YARS1: variants seen among roughly 807,000 people sequenced by gnomAD.
YARS1 encodes the protein tyrosyl-tRNA synthetase 1.
YARS1 carries 36 observed loss-of-function variants against 62.2 expected under a neutral mutation model. That is an observed-to-expected ratio of 0.58 (90% CI 0.44 to 0.76). The LOEUF (loss-of-function observed/expected upper bound fraction) is 0.76. YARS1 is among the 30% of genes least tolerant of loss of function. The probability of loss-of-function intolerance (pLI) is 0.00; values close to 1 mark genes in which losing one functional copy is unlikely to be tolerated. For synonymous variants in YARS1, 234 were observed against 244.9 expected (o/e 0.96, Z 0.42); for missense variants, 524 against 639.8 (o/e 0.82, Z 1.95).
At chr1:32,782,900 A>G (rs1653106107) in intron 8 of YARS1, 1 of 283,414 alleles carries the variant, frequency 3.5e-6, no homozygotes, top group Non-Finnish European at 6.9e-6. Flanking sequence ...CCTGAGGGAG[A>G]CAGCTGAGTA....
chr1:32,786,970 T>A lies in YARS1; in HGVS notation c.790A>T (p.Ile264Phe). Residue 264 changes from isoleucine to phenylalanine, a missense_variant, in exon 7 of 13, where the codon ATC (isoleucine) becomes TTC (phenylalanine). Ile to Phe is a conservative substitution (Grantham distance 21). Coordinates refer to ENST00000373477, the MANE Select transcript of YARS1 (RefSeq NM_003680.4). ...TTAAGGGGAAAAAGGACATGCTTGA[T>A]GAAGGACAGAACCCCATTGTTCTCC... is the stretch of plus-strand genomic sequence containing the variant. ...NVENNGVLSF[I>F]KHVLFPLKSE... The A allele has an allele frequency of 1.2e-6, 2 of 1,614,146 alleles. No individual in the cohort carries two copies. Among genetic ancestry groups the A allele is most frequent in the Non-Finnish European group, 1.7e-6 (2 of 1,180,012 alleles).
chr1:32,816,903 G>A (rs192889406), intron 1 of YARS1: 1 of 575,920 alleles, frequency 1.7e-6, no homozygotes, highest in Admixed American at 3.0e-5. Context: ...TAAGCACCAC[G>A]TCTGGCACTT....
At chr1:32,798,327 G>C (rs1262655246) in intron 4 of YARS1, 1 of 206,384 alleles carries the variant, frequency 4.8e-6, no homozygotes, top group African/African-American at 2.3e-5. Context: ...GAGTGTTTGC[G>C]GTGAACATTA....
chr1:32,812,327 A>C (rs963143061), intron 1 of YARS1, among the ~76,000 whole-genome samples: 1 of 152,238 alleles, frequency 6.6e-6, no homozygotes, highest in African/African-American at 2.4e-5. Flanking sequence ...TCTGGAGTTT[A>C]GACACAACTG....
chr1:32,786,833 G>C (rs1374237333), intron 7 of YARS1, 107 bp downstream of exon 7: 1 of 1,446,866 alleles, frequency 6.9e-7, no homozygotes, highest in East Asian at 2.3e-5. Context: ...CAGAGAATCA[G>C]GGCAGCCAGT....
At chr1:32,787,139 T>A (rs76172167) in intron 6 of YARS1, 64 bp from the exon 7 acceptor site, 8 of 1,602,158 alleles carry the variant, frequency 5.0e-6, no homozygotes, top group South Asian at 1.1e-5. Context: ...TCAACTAATA[T>A]AAGTTAAATT....
chr1:32,812,969 C>CAA (rs371599312), intron 1 of YARS1, among the ~76,000 whole-genome samples: 12,255 of 89,774 alleles, frequency 0.14, 737 homozygotes, highest in Admixed American at 0.2. Context: ...ACTCTGTCTC[C>CAA]AAAAAAAAAA....
At chr1:32,784,006 G>T (rs542927212) in intron 8 of YARS1, among the ~76,000 whole-genome samples, 1 of 148,360 alleles carries the variant, frequency 6.7e-6, no homozygotes, top group African/African-American at 2.4e-5. Context: ...TCCCACAAAA[G>T]ACTTTTTTTT....
chr1:32,778,234 C>T (rs575015168), intron 12 of YARS1, among the ~76,000 whole-genome samples: 1 of 152,160 alleles, frequency 6.6e-6, no homozygotes, highest in Non-Finnish European at 1.5e-5. Flanking sequence ...TACTGCCTGA[C>T]AGCTATATTA....
chr1:32,782,569 A>G, intron 8 of YARS1, 30 bp from the exon 9 acceptor site: 1 of 1,614,020 alleles, frequency 6.2e-7, no homozygotes, highest in Non-Finnish European at 8.5e-7. Flanking sequence ...CTAGTGAGAT[A>G]AAGTCTAGAA....
intron 8 of YARS1, 145 bp from the exon 9 acceptor site, chr1:32,782,684 A>G: frequency 1.1e-5 from 12 of 1,088,092 alleles, no homozygotes; most frequent in Non-Finnish European, 1.6e-5. Flanking sequence ...AGGAGAAGGG[A>G]AAATACATTC....
In YARS1 at chr1:32,816,982, G is replaced by A; in HGVS notation, c.57+206C>T. 3 of 651,648 alleles carry A rather than the reference G, an allele frequency of 4.6e-6. No individual in the cohort carries two copies. In the South Asian group the frequency reaches 5.3e-5, roughly 12 times the overall value. The allele number at this position is 651,648 out of a possible 1,614,324, so 40.4% of individuals were successfully genotyped here. ...CAACACAAGACAACTGGACGCAAGA[G>A]GTGAGCCCACTGTGATTTCTGGGGA... On this transcript the variant is annotated intron_variant, in intron 1 of 12. Transcript: ENST00000373477.
intron 5 of YARS1, 91 bp downstream of exon 5, chr1:32,797,672 T>C (rs1008909202): frequency 2.6e-5 from 28 of 1,083,208 alleles, no homozygotes; most frequent in Non-Finnish European, 3.6e-5. Flanking sequence ...CCATACACTA[T>C]GACTAGTGGG....
chr1:32,788,651 G>A (rs947391585), intron 6 of YARS1, among the ~76,000 whole-genome samples: 18 of 151,924 alleles, frequency 1.2e-4, no homozygotes, highest in South Asian at 2.1e-4. Flanking sequence ...GGCTGGTGTC[G>A]AACTCCCGAC....
chr1:32,786,726 C>T, intron 7 of YARS1: 1 of 759,732 alleles, frequency 1.3e-6, no homozygotes, highest in Non-Finnish European at 2.1e-6. Context: ...CCTCTGCCCA[C>T]TCCAGTATTC....
At chr1:32,779,585 C>A in intron 11 of YARS1, 62 bp from the exon 12 acceptor site, 2 of 1,611,240 alleles carry the variant, frequency 1.2e-6, no homozygotes, top group Non-Finnish European at 1.7e-6. Context: ...ACTGTGGAGG[C>A]CAAAGCAATC....
At position 32,776,143 on chromosome 1, in the gene YARS1, A is replaced by T; in HGVS notation, c.1477-52T>A. ...TAATGATGGTGGTGGGACTGCAAGA[A>T]AACCCCCCCTTTTTTGGAGGGGGGG... On this transcript the variant is annotated intron_variant, in intron 12 of 12. Coordinates refer to ENST00000373477, the MANE Select transcript of YARS1 (RefSeq NM_003680.4). The surrounding 1 kb of genome is among the most constrained non-coding windows in gnomAD (Gnocchi z 4.0). 1 of 1,482,144 alleles carries T rather than the reference A, an allele frequency of 6.7e-7. No individual in the cohort carries two copies. Among genetic ancestry groups the T allele is most frequent in the Admixed American group, 1.8e-5 (1 of 55,408 alleles). 91.8% of individuals were successfully genotyped at this position (1,482,144 alleles called of 1,614,324 possible).
At chr1:32,798,411 G>A (rs10753265) in intron 4 of YARS1, among the ~76,000 whole-genome samples, 81,609 of 152,070 alleles carry the variant, frequency 0.54, 22,291 homozygotes, top group East Asian at 0.74. Flanking sequence ...CCTGCAGGGA[G>A]GGAGAGAAGA....
chr1:32,791,055 C>T, intron 6 of YARS1, 107 bp downstream of exon 6: 2 of 1,098,660 alleles, frequency 1.8e-6, no homozygotes, highest in South Asian at 2.5e-5. Context: ...CTCCTTCTAA[C>T]TCAAATATTG....
Sources: allele counts gnomAD v4.1 joint callset (sites outside exome capture counted in the v4.1 genomes callset), GRCh38; gene constraint gnomAD v4.1.1; non-coding constraint Gnocchi (gnomAD v3.1); transcripts MANE v1.5; gene names NCBI Gene and HGNC (gene_info 2026-07-23, HGNC 2026-07-21).